Variants in EPB41L4A observed in about 807,000 individuals in gnomAD.
EPB41L4A encodes erythrocyte membrane protein band 4.1 like 4A, also known as band 4.1-like protein 4A.
Under a neutral mutation model 108.6 loss-of-function variants are expected in EPB41L4A, and 100 were observed. The observed-to-expected ratio is 0.92, with a 90% CI of 0.78 to 1.09. The LOEUF (loss-of-function observed/expected upper bound fraction) is 1.09, where lower values mean the gene tolerates loss of function less well. EPB41L4A is among the 50% of genes least tolerant of loss of function. The pLI is 0.00. For synonymous variants in EPB41L4A, 319 were observed against 289.0 expected, an observed-to-expected ratio of 1.10 and a Z score of -1.05; for missense variants, 1,030 against 842.7, an observed-to-expected ratio of 1.22 and a Z score of -2.75.
intron 1 of EPB41L4A, among the ~76,000 whole-genome samples, chr5:112,319,522 AG>A (rs1755635110): frequency 6.6e-6 from 1 of 152,246 alleles, no homozygotes; most frequent in Non-Finnish European, 1.5e-5. Context: ...TACACATGAA[AG>A]GATGAACCAA....
In EPB41L4A at chr5:112,176,118, C is replaced by T. The variant is rs1030060761; in HGVS notation, c.1623-5126G>A. 1.1e-4 allele frequency among the ~76,000 whole-genome samples: 17 copies of T among 152,134 alleles called. 1 individual carries two copies. Among genetic ancestry groups the T allele is most frequent in the Non-Finnish European group, 2.5e-4 (17 of 68,016 alleles). On this transcript the variant is annotated intron_variant, in intron 18 of 22. Transcript: ENST00000261486. Reference sequence around the variant, plus strand: ...AATAACTAAGACCTGGGGGAACTTACTAATAAAGGCTGTGACACAGGCACA... The same window carrying T: ...AATAACTAAGACCTGGGGGAACTTATTAATAAAGGCTGTGACACAGGCACA...
intron 7 of EPB41L4A, 24 bp downstream of exon 7, chr5:112,262,470 T>G: frequency 6.3e-7 from 1 of 1,592,794 alleles, no homozygotes. Context: ...TTAAAATATT[T>G]TGTGTTAATT....
intron 1 of EPB41L4A, among the ~76,000 whole-genome samples, chr5:112,392,330 A>G (rs1334666881): frequency 6.7e-6 from 1 of 149,178 alleles, no homozygotes; most frequent in Admixed American, 6.9e-5. Flanking sequence ...CAGGAGACAC[A>G]TCTCACATGC....
At chr5:112,361,645 T>C (rs1022714925) in intron 1 of EPB41L4A, among the ~76,000 whole-genome samples, 1 of 151,332 alleles carries the variant, frequency 6.6e-6, no homozygotes, top group Admixed American at 6.6e-5. Flanking sequence ...AATTCTGTTA[T>C]TGTGATTGAG....
At chr5:112,276,214 C>T (rs151123254) in intron 3 of EPB41L4A, among the ~76,000 whole-genome samples, 65 of 152,148 alleles carry the variant, frequency 4.3e-4, no homozygotes, top group African/African-American at 1.4e-3. Flanking sequence ...TGTGTTCTCA[C>T]GTATTTAAGA....
At chr5:112,283,216 T>C (rs142847689) in intron 2 of EPB41L4A, among the ~76,000 whole-genome samples, 84 of 152,316 alleles carry the variant, frequency 5.5e-4, no homozygotes, top group African/African-American at 2.0e-3. Flanking sequence ...CACTGCACAT[T>C]TGCTATGCTA....
intron 2 of EPB41L4A, among the ~76,000 whole-genome samples, chr5:112,303,674 A>T (rs771861694): frequency 6.6e-6 from 1 of 152,198 alleles, no homozygotes; most frequent in Non-Finnish European, 1.5e-5. Context: ...GTCAAGTAAG[A>T]CAAGGACTGA....
chr5:112,189,234 G>C (rs188449323), intron 17 of EPB41L4A, among the ~76,000 whole-genome samples: 124 of 152,308 alleles, frequency 8.1e-4, no homozygotes, highest in Non-Finnish European at 1.4e-3. Flanking sequence ...AGAAAATACT[G>C]AGCAGTGCTG....
chr5:112,297,647 C>A (rs796866580), intron 2 of EPB41L4A, among the ~76,000 whole-genome samples: 1 of 152,028 alleles, frequency 6.6e-6, no homozygotes, highest in Non-Finnish European at 1.5e-5. Flanking sequence ...TTAAGTCTCA[C>A]CTATTTATCT....
At chr5:112,143,123 C>T (rs79092804) in exon 14 of EPB41L4A, 14,160 of 152,152 alleles carry the variant, frequency 0.093, 805 homozygotes, top group South Asian at 0.14. Context: ...GCCAACTTAC[C>T]GCAGACTCGT....
At chr5:112,392,808 C>A (rs962886929) in intron 1 of EPB41L4A, 9 of 152,198 alleles carry the variant, frequency 5.9e-5, no homozygotes, top group Non-Finnish European at 7.3e-5. Flanking sequence ...CACCACATCA[C>A]ACTTATTCCA....
chr5:112,396,223 A>G (rs1761340354), intron 1 of EPB41L4A, among the ~76,000 whole-genome samples: 1 of 152,204 alleles, frequency 6.6e-6, no homozygotes, highest in Admixed American at 6.5e-5. Flanking sequence ...CGTTGTGCAC[A>G]TGTACCCAAG....
intron 11 of EPB41L4A, among the ~76,000 whole-genome samples, chr5:112,237,658 G>A (rs767622380): frequency 6.6e-6 from 1 of 152,136 alleles, no homozygotes; most frequent in Non-Finnish European, 1.5e-5. Flanking sequence ...GGATGTCTCC[G>A]GAATGTCTCA....
At chr5:112,226,834 T>C (rs759552863) in intron 12 of EPB41L4A, among the ~76,000 whole-genome samples, 83 of 151,388 alleles carry the variant, frequency 5.5e-4, no homozygotes, top group Admixed American at 3.3e-4. Context: ...GAAGGGGTAA[T>C]TGGTGTTTAC....
At chr5:112,359,544 C>CTTT (rs5870498) in intron 1 of EPB41L4A, among the ~76,000 whole-genome samples, 4 of 146,364 alleles carry the variant, frequency 2.7e-5, no homozygotes, top group Non-Finnish European at 4.5e-5. Flanking sequence ...TGAAAGTCTT[C>CTTT]TTTTTTTTTT....
intron 15 of EPB41L4A, among the ~76,000 whole-genome samples, chr5:112,199,119 T>C (rs1762100865): frequency 6.6e-6 from 1 of 152,202 alleles, no homozygotes; most frequent in African/African-American, 2.4e-5. Context: ...GGATGATCCT[T>C]TGAAAGTAAG....
At chr5:112,413,491 T>C (rs556315660) in intron 1 of EPB41L4A, among the ~76,000 whole-genome samples, 1 of 152,326 alleles carries the variant, frequency 6.6e-6, no homozygotes, top group South Asian at 2.1e-4. Flanking sequence ...TTATAGTTAA[T>C]AAGCATCTAC....
intron 2 of EPB41L4A, among the ~76,000 whole-genome samples, chr5:112,293,660 C>A (rs138315166): frequency 3.9e-5 from 6 of 152,274 alleles, no homozygotes; most frequent in African/African-American, 1.4e-4. Context: ...AACTGAAGAC[C>A]AATCAGTCAA....
At chr5:112,402,504 C>T (rs1016419156) in intron 1 of EPB41L4A, among the ~76,000 whole-genome samples, 14 of 152,182 alleles carry the variant, frequency 9.2e-5, no homozygotes, top group African/African-American at 2.4e-4. Context: ...TAAAAAAGCA[C>T]GGGAGTGCTT....
Sources: allele counts gnomAD v4.1 joint callset (sites outside exome capture counted in the v4.1 genomes callset), GRCh38; gene constraint gnomAD v4.1.1; transcripts MANE v1.5; gene names NCBI Gene and HGNC (gene_info 2026-07-23, HGNC 2026-07-21).